The following KCNK5 variants were observed in gnomAD, a reference collection of about 807,000 sequenced individuals.
KCNK5 encodes the protein potassium two pore domain channel subfamily K member 5.
In KCNK5, 18 loss-of-function variants were observed where a neutral mutation model predicts 32.9. The ratio of observed to expected loss-of-function variants is 0.55; its 90% CI spans 0.38 to 0.81. The LOEUF is 0.81. KCNK5 is among the 30% of genes least tolerant of loss of function. The pLI is 0.00. For missense variants in KCNK5, 507 were observed against 651.0 expected, an observed-to-expected ratio of 0.78 and a Z score of 2.41; for synonymous variants, 276 against 275.3, an observed-to-expected ratio of 1.00 and a Z score of -0.03.
At chr6:39,217,717 C>A (rs1293760209) in intron 1 of KCNK5, among the ~76,000 whole-genome samples, 1 of 152,176 alleles carries the variant, frequency 6.6e-6, no homozygotes, top group African/African-American at 2.4e-5. Flanking sequence ...TGAGCCACCC[C>A]CTGCCAACCT....
intron 4 of KCNK5, among the ~76,000 whole-genome samples, chr6:39,192,407 T>G (rs1227974250): frequency 6.6e-6 from 1 of 151,912 alleles, no homozygotes; most frequent in Non-Finnish European, 1.5e-5. Context: ...GTATTTGCCT[T>G]TCTGTTAATT....
intron 1 of KCNK5, among the ~76,000 whole-genome samples, chr6:39,216,840 C>T (rs182791671): frequency 4.6e-5 from 7 of 152,014 alleles, no homozygotes; most frequent in Admixed American, 6.6e-5. Flanking sequence ...AACTCACTGC[C>T]GGGCGCGGTG....
rs1364238241 is a variant in KCNK5, at chr6:39,229,451, C to G, written c.-340G>C. On this transcript the variant is annotated 5_prime_UTR_variant, in exon 1 of 5. Transcript: ENST00000359534. Reference sequence around the variant, plus strand: ...GTGGGCCGCTTCTCCACGCGTCGCTCCTCCGCGCGCCACTAGCAGTATGCG... The same window carrying G: ...GTGGGCCGCTTCTCCACGCGTCGCTGCTCCGCGCGCCACTAGCAGTATGCG... The G allele has an allele frequency of 1.1e-5, 3 of 265,604 alleles. No homozygotes were observed. In the East Asian group the frequency reaches 2.6e-4, roughly 23 times the overall value. The allele number at this position is 265,604 out of a possible 1,614,324, so 16.5% of individuals were successfully genotyped here.
chr6:39,210,293 G>C (rs1202121895), intron 1 of KCNK5, among the ~76,000 whole-genome samples: 2 of 152,154 alleles, frequency 1.3e-5, no homozygotes, highest in Non-Finnish European at 2.9e-5. Context: ...CCAGGACACA[G>C]TCCCTTGGCC....
Position 39,194,756 on chromosome 6 carries a change from A to G in KCNK5, c.303T>C (p.Tyr101=), listed in dbSNP as rs1771000152. ...FAATVITTIG[Y]GNVAPKTPAG... ...CGGGGGTCTTGGGAGCCACATTGCC[A>G]TATCCTGAGGAAGGAGAGAGTGAGG... Residue 101 remains tyrosine (Y), a synonymous_variant, in exon 3 of 5, where the codon TAT becomes TAC. Transcript: ENST00000359534. The surrounding 1 kb of genome is among the most constrained non-coding windows in gnomAD (Gnocchi z 4.7). The G allele has an allele frequency of 6.2e-7, 1 of 1,613,912 alleles. No homozygotes were observed. Among genetic ancestry groups the G allele is most frequent in the Non-Finnish European group, 8.5e-7 (1 of 1,179,940 alleles).
intron 1 of KCNK5, among the ~76,000 whole-genome samples, chr6:39,201,900 T>A (rs1282012283): frequency 1.3e-5 from 2 of 152,204 alleles, no homozygotes; most frequent in African/African-American, 4.8e-5. Flanking sequence ...TTGCCCAAGG[T>A]CACAGAGCTA....
chr6:39,199,161 A>G (rs1194013015), intron 1 of KCNK5, among the ~76,000 whole-genome samples: 1 of 152,208 alleles, frequency 6.6e-6, no homozygotes, highest in Non-Finnish European at 1.5e-5. Flanking sequence ...ATGCCCTGCA[A>G]TTCACAGGAC....
chr6:39,195,533 G>A lies in KCNK5; in HGVS notation c.298+343C>T, dbSNP rs185018124. Among the ~76,000 whole-genome samples the A allele has an allele frequency of 2.2e-4, 33 of 152,352 alleles. 1 individual carries two copies. The highest frequency in any genetic ancestry group is 2.0e-3 in the Admixed American group (31 of 15,308). On this transcript the variant is annotated intron_variant, in intron 2 of 4. Transcript: ENST00000359534. Reference sequence around the variant, plus strand: ...CGTTCTGAGCCAAACTTCTGGACTGGTTGGCTATGCAGCCTGAGAACTGAA... The same window carrying A: ...CGTTCTGAGCCAAACTTCTGGACTGATTGGCTATGCAGCCTGAGAACTGAA...
At chr6:39,196,180 T>C (rs934663257) in intron 1 of KCNK5, among the ~76,000 whole-genome samples, 193 bp from the exon 2 acceptor site, 12 of 152,200 alleles carry the variant, frequency 7.9e-5, no homozygotes, top group African/African-American at 2.9e-4. Context: ...GGTAAAGATA[T>C]GAACCCAGGC....
chr6:39,214,612 G>C (rs1486448487), intron 1 of KCNK5, among the ~76,000 whole-genome samples: 1 of 152,132 alleles, frequency 6.6e-6, no homozygotes, highest in Non-Finnish European at 1.5e-5. Context: ...CCTCATGCTT[G>C]GTGCTAGGTT....
intron 4 of KCNK5, among the ~76,000 whole-genome samples, chr6:39,192,308 A>AAAT (rs1770955654): frequency 2.7e-5 from 4 of 149,958 alleles, no homozygotes; most frequent in Admixed American, 2.0e-4. Context: ...AAAAAAAAAA[A>AAAT]GTCAAGACAG....
chr6:39,215,260 G>A (rs913032859), intron 1 of KCNK5, among the ~76,000 whole-genome samples: 8 of 152,184 alleles, frequency 5.3e-5, no homozygotes, highest in Admixed American at 1.3e-4. Context: ...CTACTGCCTC[G>A]GCTCACCCCA....
chr6:39,205,482 A>G (rs1305458076), intron 1 of KCNK5, among the ~76,000 whole-genome samples: 1 of 152,124 alleles, frequency 6.6e-6, no homozygotes, highest in Non-Finnish European at 1.5e-5. Context: ...CTCTACCCCA[A>G]TTCACAACCA....
At chr6:39,202,825 C>T (rs918277304) in intron 1 of KCNK5, among the ~76,000 whole-genome samples, 6 of 152,102 alleles carry the variant, frequency 3.9e-5, no homozygotes, top group African/African-American at 1.2e-4. Context: ...GACCTGTGCT[C>T]ATGGAAAAGG....
chr6:39,209,090 CA>C (rs139419860), intron 1 of KCNK5, among the ~76,000 whole-genome samples: 13,864 of 145,466 alleles, frequency 0.095, 801 homozygotes, highest in South Asian at 0.18. Flanking sequence ...GATTCAGTCT[CA>C]AAAAAAAAAG....
chr6:39,210,355 G>A (rs1583714142), intron 1 of KCNK5, among the ~76,000 whole-genome samples: 1 of 152,150 alleles, frequency 6.6e-6, no homozygotes, highest in African/African-American at 2.4e-5. Flanking sequence ...GAAGAGTAGG[G>A]GAACAGGAGG....
At chr6:39,215,175 G>C (rs983496674) in intron 1 of KCNK5, among the ~76,000 whole-genome samples, 15 of 152,164 alleles carry the variant, frequency 9.9e-5, no homozygotes, top group Admixed American at 2.6e-4. Context: ...GAAGATGGGG[G>C]AGGTGAGGTG....
chr6:39,226,714 A>T (rs1327141450), intron 1 of KCNK5, among the ~76,000 whole-genome samples: 1 of 152,236 alleles, frequency 6.6e-6, no homozygotes, highest in Admixed American at 6.5e-5. Context: ...CCCAAGTCAC[A>T]AGAAAGCAGA....
intron 1 of KCNK5, among the ~76,000 whole-genome samples, chr6:39,221,065 T>C (rs1212229686): frequency 4.0e-5 from 6 of 151,768 alleles, no homozygotes; most frequent in Admixed American, 1.3e-4. Context: ...TAGAAGAGAA[T>C]AGTTCACAGT....
Sources: gnomAD v4.1 joint callset for allele counts (sites outside exome capture counted in the v4.1 genomes callset) on GRCh38, gnomAD v4.1.1 for gene constraint, Gnocchi (gnomAD v3.1) non-coding constraint, MANE v1.5 for transcripts, NCBI Gene and HGNC (gene_info 2026-07-23, HGNC 2026-07-21) for gene names.